The following NKAIN1 variants were observed in gnomAD, a reference collection of about 807,000 sequenced individuals.
NKAIN1 encodes sodium/potassium transporting ATPase interacting 1.
A neutral mutation model predicts 31.6 loss-of-function variants in NKAIN1; 13 were observed. The observed-to-expected ratio is 0.41, with a 90% CI of 0.27 to 0.65. The LOEUF is 0.65. Ranked by LOEUF, NKAIN1 falls within the 30% of genes least tolerant of loss-of-function variation. The pLI is 0.30. For synonymous variants in NKAIN1, 104 were observed against 109.0 expected, an observed-to-expected ratio of 0.95 and a Z score of 0.28; for missense variants, 193 against 262.2, an observed-to-expected ratio of 0.74 and a Z score of 1.82.
At chr1:31,205,428 C>T (rs1645416050) in intron 1 of NKAIN1, among the ~76,000 whole-genome samples, 1 of 152,016 alleles carries the variant, frequency 6.6e-6, no homozygotes, top group Non-Finnish European at 1.5e-5. Flanking sequence ...CCTGCTTTAG[C>T]CTCCTGAGTA....
At chr1:31,186,267 A>C (rs189727357) in intron 2 of NKAIN1, among the ~76,000 whole-genome samples, 132 of 151,552 alleles carry the variant, frequency 8.7e-4, no homozygotes, top group Middle Eastern at 3.4e-3. Context: ...AAGGCTGAGG[A>C]AGGAGAATCA....
intron 1 of NKAIN1, among the ~76,000 whole-genome samples, chr1:31,222,936 T>A (rs1645574952): frequency 6.6e-6 from 1 of 152,166 alleles, no homozygotes; most frequent in Non-Finnish European, 1.5e-5. Flanking sequence ...ACTGAGGAAA[T>A]GCATCTGAAG....
At chr1:31,182,487 C>T (rs757768388) in intron 5 of NKAIN1, 43 bp downstream of exon 5, 1 of 1,608,634 alleles carries the variant, frequency 6.2e-7, no homozygotes, top group South Asian at 1.1e-5. Context: ...GTGCTGAAGG[C>T]GCAGGGCCAG....
At chr1:31,218,120 T>A (rs1350674868) in intron 1 of NKAIN1, among the ~76,000 whole-genome samples, 1 of 150,108 alleles carries the variant, frequency 6.7e-6, no homozygotes, top group East Asian at 2.0e-4. Flanking sequence ...TGGAGTGCAG[T>A]GGCACATTCT....
intron 1 of NKAIN1, among the ~76,000 whole-genome samples, chr1:31,197,392 T>C (rs1175156849): frequency 2.0e-5 from 3 of 152,078 alleles, no homozygotes; most frequent in Admixed American, 2.0e-4. Context: ...ATTACAGGCG[T>C]GAGCTACCAC....
chr1:31,185,961 C>T (rs1324350492), intron 2 of NKAIN1, among the ~76,000 whole-genome samples: 1 of 151,760 alleles, frequency 6.6e-6, no homozygotes, highest in African/African-American at 2.4e-5. Context: ...GGTGCAGTGG[C>T]TCATACCTGT....
chr1:31,184,874 G>A (rs2124163302), intron 3 of NKAIN1, among the ~76,000 whole-genome samples: 1 of 152,190 alleles, frequency 6.6e-6, no homozygotes, highest in East Asian at 1.9e-4. Flanking sequence ...AAATCTTTGT[G>A]GTCTAAGCAC....
At chr1:31,226,214 G>A (rs1186507567) in intron 1 of NKAIN1, among the ~76,000 whole-genome samples, 1 of 152,134 alleles carries the variant, frequency 6.6e-6, no homozygotes, top group Non-Finnish European at 1.5e-5. Context: ...CGCGTTAAGC[G>A]CCAGGATTTG....
intron 1 of NKAIN1, among the ~76,000 whole-genome samples, chr1:31,206,428 T>C (rs940197338): frequency 6.6e-5 from 10 of 151,896 alleles, no homozygotes; most frequent in Non-Finnish European, 5.9e-5. Flanking sequence ...TTTAAATTTT[T>C]ATTTATTTTA....
intron 3 of NKAIN1, 71 bp downstream of exon 3, chr1:31,185,176 A>T (rs1557648909): frequency 7.9e-7 from 1 of 1,269,288 alleles, no homozygotes; most frequent in African/African-American, 1.5e-5. Context: ...GTCCTATACC[A>T]CAGTACCCTT....
chr1:31,210,644 A>G (rs1645461491), intron 1 of NKAIN1, among the ~76,000 whole-genome samples: 1 of 152,176 alleles, frequency 6.6e-6, no homozygotes, highest in Non-Finnish European at 1.5e-5. Flanking sequence ...ACCTAACAGT[A>G]GGTCACTCAA....
At chr1:31,227,090 G>A (rs1400627216) in intron 1 of NKAIN1, among the ~76,000 whole-genome samples, 1 of 152,202 alleles carries the variant, frequency 6.6e-6, no homozygotes, top group Non-Finnish European at 1.5e-5. Context: ...CTCCCAAAGT[G>A]CTAGGATTAC....
Position 31,185,305 on chromosome 1 carries a change from C to A in NKAIN1, c.215G>T (p.Trp72Leu). The A allele has an allele frequency of 6.2e-7, 1 of 1,610,340 alleles. No homozygotes were observed. Among genetic ancestry groups the A allele is most frequent in the Non-Finnish European group, 8.5e-7 (1 of 1,178,236 alleles). ...GATGATAAATGCATTCCAGCCAACCCAGAGCACCAGCCAGGCTGCATACTG... is the reference window on the plus strand; with the variant it reads ...GATGATAAATGCATTCCAGCCAACCAAGAGCACCAGCCAGGCTGCATACTG... ...LILYAAWLVL[W>L]VGWNAFIICF... Residue 72 changes from tryptophan to leucine, a missense_variant, in exon 3 of 7, where the codon TGG (tryptophan) becomes TTG (leucine). Physicochemically the swap from Trp to Leu is moderately conservative, Grantham distance 61 (BLOSUM62 -2). Coordinates refer to ENST00000373736, the MANE Select transcript of NKAIN1 (RefSeq NM_024522.3).
intron 1 of NKAIN1, among the ~76,000 whole-genome samples, chr1:31,205,017 T>C (rs1302714242): frequency 2.0e-5 from 3 of 152,206 alleles, no homozygotes; most frequent in African/African-American, 7.2e-5. Context: ...TGCCTCGGTT[T>C]CCTCAACTGT....
rs145296999 is a variant in NKAIN1 at position 31,207,772 on chromosome 1, G to A, written c.55-19585C>T. Among the ~76,000 whole-genome samples, 24 of 152,248 alleles carry A rather than the reference G, an allele frequency of 1.6e-4. 1 individual carries two copies. In the East Asian group the frequency reaches 4.6e-3, roughly 29 times the overall value. ...GAGGGCAAGGACTGAAACTGACGCTGCCCACCCTCTGGGGACTTGCACTGA... is the reference window on the plus strand; with the variant it reads ...GAGGGCAAGGACTGAAACTGACGCTACCCACCCTCTGGGGACTTGCACTGA... On this transcript the variant is annotated intron_variant, in intron 1 of 6. Transcript: ENST00000373736.
At chr1:31,222,106 T>C (rs936621148) in intron 1 of NKAIN1, among the ~76,000 whole-genome samples, 3 of 152,172 alleles carry the variant, frequency 2.0e-5, no homozygotes, top group African/African-American at 7.2e-5. Flanking sequence ...GTTGAACTCC[T>C]GACCTCAGGG....
chr1:31,205,137 A>G (rs1645413267), intron 1 of NKAIN1, among the ~76,000 whole-genome samples: 1 of 151,380 alleles, frequency 6.6e-6, no homozygotes, highest in Admixed American at 6.6e-5. Flanking sequence ...CGGATTGGAC[A>G]AGCAATTTTT....
intron 1 of NKAIN1, among the ~76,000 whole-genome samples, chr1:31,213,918 C>G (rs549524940): frequency 6.6e-6 from 1 of 151,468 alleles, no homozygotes; most frequent in Non-Finnish European, 1.5e-5. Flanking sequence ...TGCTTGAGCC[C>G]GGGAGATTGA....
At position 31,196,843 on chromosome 1, in the gene NKAIN1, A is replaced by G. The variant is rs1645331316; in HGVS notation, c.55-8656T>C. ...TCTTTTCTGGCTTTTGCCCCATGGCACCGTCCCAGAGGCAGGATGACCTAG... is the reference window on the plus strand; with the variant it reads ...TCTTTTCTGGCTTTTGCCCCATGGCGCCGTCCCAGAGGCAGGATGACCTAG... On this transcript the variant is annotated intron_variant, in intron 1 of 6. Coordinates refer to ENST00000373736, the MANE Select transcript of NKAIN1 (RefSeq NM_024522.3). Among the ~76,000 whole-genome samples, 2 of 152,122 alleles carry G rather than the reference A, an allele frequency of 1.3e-5. 1 individual carries two copies. The highest frequency in any genetic ancestry group is 1.3e-4 in the Admixed American group (2 of 15,274).
Sources: allele counts gnomAD v4.1 joint callset (sites outside exome capture counted in the v4.1 genomes callset), GRCh38; gene constraint gnomAD v4.1.1; transcripts MANE v1.5; gene names NCBI Gene and HGNC (gene_info 2026-07-23, HGNC 2026-07-21).